The following XDH variants were observed in gnomAD, a reference collection of about 807,000 sequenced individuals.
XDH encodes the protein xanthine dehydrogenase, also known as xanthine dehydrogenase/oxidase.
Under a neutral mutation model 156.1 loss-of-function variants are expected in XDH, and 138 were observed. The observed-to-expected ratio is 0.88, with a 90% CI of 0.77 to 1.02. XDH has a LOEUF of 1.02. XDH is among the 50% of genes least tolerant of loss of function. XDH has a pLI of 0.00. For synonymous variants in XDH, 669 were observed against 625.7 expected (o/e 1.07, Z -1.03); for missense variants, 1,849 against 1,684.9 (o/e 1.10, Z -1.71).
intron 24 of XDH, among the ~76,000 whole-genome samples, chr2:31,354,409 T>C (rs557614870): frequency 1.2e-4 from 19 of 152,334 alleles, no homozygotes; most frequent in African/African-American, 4.6e-4. Flanking sequence ...TCAAACTTCC[T>C]GAATAATAAA....
At chr2:31,402,496 C>T (rs1358015145) in intron 3 of XDH, among the ~76,000 whole-genome samples, 2 of 152,088 alleles carry the variant, frequency 1.3e-5, no homozygotes, top group African/African-American at 2.4e-5. Context: ...GGCACCTAAC[C>T]CAGTCTTGAG....
intron 31 of XDH, 39 bp from the exon 32 acceptor site, chr2:31,342,336 A>G (rs186068376): frequency 2.6e-6 from 4 of 1,541,670 alleles, no homozygotes; most frequent in African/African-American, 1.4e-5. Flanking sequence ...ATGTATTAAC[A>G]TGAACACACC....
At chr2:31,364,269 A>T in intron 23 of XDH, 25 bp from the exon 24 acceptor site, 1 of 1,611,572 alleles carries the variant, frequency 6.2e-7, no homozygotes, top group Non-Finnish European at 8.5e-7. Context: ...AAGGAGAGGG[A>T]TTTATCATAA....
At position 31,345,261 on chromosome 2, in the gene XDH, C is replaced by T. The variant is rs183546687; in HGVS notation, c.3352-525G>A. 6.1e-4 allele frequency among the ~76,000 whole-genome samples: 93 copies of T among 152,306 alleles called. 1 individual carries two copies. The highest frequency in any genetic ancestry group is 1.2e-3 in the Non-Finnish European group (83 of 68,026). ...CTCAACAACTACTCAAACTTGCCCT[C>T]CATTCTCCCCTCCTTGGTGAACTCT... On this transcript the variant is annotated intron_variant, in intron 30 of 35. Coordinates refer to ENST00000379416, the MANE Select transcript of XDH (RefSeq NM_000379.4).
Position 31,368,178 on chromosome 2 carries a change from A to G in XDH, c.2101-121T>C, listed in dbSNP as rs911677711. On this transcript the variant is annotated intron_variant, in intron 19 of 35. Transcript: ENST00000379416. ...TCTCTCTTTCCATAAATGAATCTCT[A>G]TATGCTTCACATACAGACTTGAAGT... 6 of 906,960 alleles carry G rather than the reference A, an allele frequency of 6.6e-6. No individual in the cohort carries two copies. In the African/African-American group the frequency reaches 9.8e-5, roughly 15 times the overall value. 56.2% of individuals were successfully genotyped at this position (906,960 alleles called of 1,614,324 possible). A position where few individuals can be genotyped will look rare whatever the true frequency, so the allele number is the denominator to read the frequency against.
rs371771297 is a variant in XDH at position 31,364,169 on chromosome 2, G to A, written c.2620C>T (p.Leu874Phe). ...CAGGTCCTACTCACACTCTGAGAGA[G>A]ATCCTGGGTGTTCCCCACATTGCTG... The part of the protein sequence containing the change: ...HFSNVGNTQD[L>F]SQSIMERALF... The change falls in exon 24 of 36, where the codon CTC becomes TTC. Residue 874 changes from leucine to phenylalanine, a missense_variant. Leu to Phe is a conservative substitution (Grantham distance 22). Coordinates refer to ENST00000379416, the MANE Select transcript of XDH (RefSeq NM_000379.4). The A allele has an allele frequency of 4.8e-5, 77 of 1,613,946 alleles. No individual in the cohort carries two copies. The highest frequency in any genetic ancestry group is 5.7e-5 in the Non-Finnish European group (67 of 1,180,018).
intron 16 of XDH, 100 bp downstream of exon 16, chr2:31,373,773 A>T (rs886628921): frequency 1.7e-6 from 2 of 1,162,102 alleles, no homozygotes; most frequent in African/African-American, 3.1e-5. Context: ...TTATGGACCT[A>T]TATACAATTC....
chr2:31,404,025 G>A (rs1343749355), intron 2 of XDH, among the ~76,000 whole-genome samples: 1 of 152,146 alleles, frequency 6.6e-6, no homozygotes, highest in Non-Finnish European at 1.5e-5. Flanking sequence ...CTAGATACCT[G>A]TTTGACCTCC....
intron 4 of XDH, among the ~76,000 whole-genome samples, chr2:31,400,108 G>A (rs1687015043): frequency 6.6e-6 from 1 of 152,080 alleles, no homozygotes. Context: ...TCACATGACT[G>A]GCCCAAGATG....
rs556938079 is a variant in XDH, at chr2:31,393,522, T to C, written c.495+4146A>G. Among the ~76,000 whole-genome samples, 44 of 152,328 alleles carry C rather than the reference T, an allele frequency of 2.9e-4. No individual in the cohort carries two copies. In the South Asian group the frequency reaches 4.4e-3, roughly 15 times the overall value. ...CTGTGTCTTTTCATTTAAAGTAGGT[T>C]TCTTGTAGACAACATATAGTTGGGT... On this transcript the variant is annotated intron_variant, in intron 6 of 35. Coordinates refer to ENST00000379416, the MANE Select transcript of XDH (RefSeq NM_000379.4).
Position 31,337,467 on chromosome 2 carries a change from T to A in XDH, c.3951+174A>T, listed in dbSNP as rs559136000. 1.2e-4 allele frequency among the ~76,000 whole-genome samples: 18 copies of A among 152,322 alleles called. 1 individual carries two copies. In the South Asian group the frequency reaches 3.7e-3, roughly 32 times the overall value. On this transcript the variant is annotated intron_variant, in intron 35 of 35. Transcript: ENST00000379416. ...TTTAAGGAGGTTTCTCATTATTCTC[T>A]TGCAAGTTCGAGTGTGTGCTTCATA... is the stretch of plus-strand genomic sequence containing the variant.
intron 24 of XDH, among the ~76,000 whole-genome samples, chr2:31,353,732 A>G (rs569017006): frequency 6.6e-6 from 1 of 152,318 alleles, no homozygotes; most frequent in South Asian, 2.1e-4. Context: ...CTTTTAGACA[A>G]TAAGTACCCC....
chr2:31,343,792 T>C (rs1685206836), intron 31 of XDH, among the ~76,000 whole-genome samples: 1 of 136,976 alleles, frequency 7.3e-6, no homozygotes, highest in Non-Finnish European at 1.6e-5. Context: ...GTTTATGCCT[T>C]ATATGTATAA....
intron 4 of XDH, among the ~76,000 whole-genome samples, chr2:31,399,925 C>T (rs45564234): frequency 0.017 from 2,573 of 152,248 alleles, 37 homozygotes; most frequent in Non-Finnish European, 0.028. Context: ...TACTTGACTC[C>T]TATGTTTAAA....
intron 9 of XDH, among the ~76,000 whole-genome samples, chr2:31,385,419 T>C (rs1383299161): frequency 6.6e-6 from 1 of 152,082 alleles, no homozygotes; most frequent in Non-Finnish European, 1.5e-5. Flanking sequence ...TCTGACTCCA[T>C]CAGCACTGAC....
Position 31,414,656 on chromosome 2 carries a change from T to A in XDH, c.11A>T (p.Asp4Val). The A allele has an allele frequency of 6.2e-7, 1 of 1,614,138 alleles. No individual in the cohort carries two copies. Among genetic ancestry groups the A allele is most frequent in the Non-Finnish European group, 8.5e-7 (1 of 1,179,996 alleles). MTADKLVFFVNGRK... is the reference protein window; with the variant it reads MTAVKLVFFVNGRK... The stretch of plus-strand genomic sequence containing the variant: ...GCCATTCACAAAGAAAACCAATTTG[T>A]CTGCTGTCATTGTCACAGGTTGGGG... The change falls in exon 1 of 36, where the codon GAC becomes GTC. Residue 4 changes from aspartate to valine, a missense_variant. Physicochemically the swap from Asp to Val is radical, Grantham distance 152. Transcript: ENST00000379416.
At chr2:31,358,387 G>T (rs1433168987) in intron 24 of XDH, among the ~76,000 whole-genome samples, 1 of 152,132 alleles carries the variant, frequency 6.6e-6, no homozygotes, top group Non-Finnish European at 1.5e-5. Flanking sequence ...AGAATTAGAA[G>T]AGGAATTCTA....
intron 2 of XDH, among the ~76,000 whole-genome samples, chr2:31,403,478 G>A (rs2148008231): frequency 6.6e-6 from 1 of 152,246 alleles, no homozygotes; most frequent in East Asian, 1.9e-4. Flanking sequence ...TGTGTGAGCA[G>A]GTAAATCATA....
intron 6 of XDH, among the ~76,000 whole-genome samples, 180 bp downstream of exon 6, chr2:31,397,488 T>C (rs1219761435): frequency 6.6e-6 from 1 of 152,180 alleles, no homozygotes; most frequent in Non-Finnish European, 1.5e-5. Flanking sequence ...AACCCTTCCC[T>C]GAATAAGAAT....
Sources: allele counts gnomAD v4.1 joint callset (sites outside exome capture counted in the v4.1 genomes callset), GRCh38; gene constraint gnomAD v4.1.1; transcripts MANE v1.5; gene names NCBI Gene and HGNC (gene_info 2026-07-23, HGNC 2026-07-21).